The following CAST variants were observed in gnomAD, a reference collection of about 807,000 sequenced individuals.
The protein encoded by CAST is MIR583 host.
In CAST, 76 loss-of-function variants were observed where a neutral mutation model predicts 119.6. That is an observed-to-expected ratio of 0.64 (90% CI 0.53 to 0.77). CAST has a LOEUF of 0.77. CAST is among the 30% of genes least tolerant of loss of function. The pLI is 0.00. For synonymous variants in CAST, 319 were observed against 331.6 expected, an observed-to-expected ratio of 0.96 and a Z score of 0.41; for missense variants, 953 against 946.5, an observed-to-expected ratio of 1.01 and a Z score of -0.09.
At chr5:96,645,595 G>A (rs1225511341) in intron 1 of CAST, among the ~76,000 whole-genome samples, 2 of 151,842 alleles carry the variant, frequency 1.3e-5, no homozygotes, top group African/African-American at 4.8e-5. Flanking sequence ...GATTCTAATG[G>A]TTTGGAAAAA....
chr5:96,290,420 A>G, the CAST span, among the ~76,000 whole-genome samples: 50 of 152,334 alleles, frequency 3.3e-4, no homozygotes, highest in South Asian at 8.9e-3. Context: ...ACAGACTATT[A>G]GAAGAATTTT....
Sources: allele counts gnomAD v4.1 joint callset (sites outside exome capture counted in the v4.1 genomes callset), GRCh38; gene constraint gnomAD v4.1.1; transcripts MANE v1.5; gene names NCBI Gene and HGNC (gene_info 2026-07-23, HGNC 2026-07-21).